The following KDM2A variants were observed in gnomAD, a reference collection of about 807,000 sequenced individuals.
KDM2A encodes the protein lysine demethylase 2A.
KDM2A carries 3 observed loss-of-function variants against 137.3 expected under a neutral mutation model. That is an observed-to-expected ratio of 0.02 (90% confidence interval 0.01 to 0.06). The LOEUF (loss-of-function observed/expected upper bound fraction) is 0.06. Ranked by LOEUF, KDM2A falls within the 10% of genes least tolerant of loss-of-function variation. The pLI is 1.00. For synonymous variants in KDM2A, 512 were observed against 541.5 expected (o/e 0.95, Z 0.76); for missense variants, 738 against 1,510.6 (o/e 0.49, Z 8.48).
chr11:67,221,624 T>C (rs1590800276), intron 10 of KDM2A, among the ~76,000 whole-genome samples: 2 of 152,336 alleles, frequency 1.3e-5, no homozygotes, highest in East Asian at 3.9e-4. Context: ...AGGAAGCCAG[T>C]GCTTCTTCAA....
chr11:67,201,969 A>T (rs1398592241), intron 5 of KDM2A, among the ~76,000 whole-genome samples: 2 of 151,938 alleles, frequency 1.3e-5, no homozygotes, highest in Non-Finnish European at 2.9e-5. Context: ...AAAAATAATT[A>T]AAATGAAAAA....
chr11:67,228,329 T>C (rs1858607199), intron 11 of KDM2A, among the ~76,000 whole-genome samples, 166 bp downstream of exon 11: 1 of 152,166 alleles, frequency 6.6e-6, no homozygotes, highest in South Asian at 2.1e-4. Context: ...TACCCAGATG[T>C]GAGTTAATGG....
intron 2 of KDM2A, among the ~76,000 whole-genome samples, chr11:67,174,689 A>G (rs1469838921): frequency 6.6e-6 from 1 of 152,224 alleles, no homozygotes; most frequent in African/African-American, 2.4e-5. Flanking sequence ...TAAACTGGGA[A>G]TGGTGAATAT....
At position 67,199,383 on chromosome 11, in the gene KDM2A, T is replaced by C. The variant is rs549599892; in HGVS notation, c.308-8127T>C. Among the ~76,000 whole-genome samples, 123 of 152,328 alleles carry C rather than the reference T, an allele frequency of 8.1e-4. 1 individual carries two copies. The South Asian group carries it at 0.025, about 31-fold the overall frequency. On this transcript the variant is annotated intron_variant, in intron 5 of 20. Transcript: ENST00000529006. ...GATTAAGGCATGTCAAAAGCCAAGA[T>C]AGGCCTTTTACATCAAATAGTTAAC...
At chr11:67,235,836 T>C (rs1404199620) in intron 12 of KDM2A, among the ~76,000 whole-genome samples, 2 of 152,150 alleles carry the variant, frequency 1.3e-5, no homozygotes, top group Middle Eastern at 3.4e-3. Flanking sequence ...GCCAGGCTGG[T>C]CTTGAACTCC....
intron 6 of KDM2A, 32 bp from the exon 7 acceptor site, chr11:67,215,308 G>T: frequency 6.9e-7 from 1 of 1,443,842 alleles, no homozygotes; most frequent in Non-Finnish European, 9.7e-7. Context: ...CCTTTCCCTT[G>T]GAGCCCAAGT....
At chr11:67,246,245 AGTG>A (rs888850546) in intron 15 of KDM2A, 129 bp downstream of exon 15, 4 of 986,950 alleles carry the variant, frequency 4.1e-6, no homozygotes, top group Non-Finnish European at 6.2e-6. Context: ...CACATAATGC[AGTG>A]GTCTAACATC....
chr11:67,250,697 C>T lies in KDM2A; in HGVS notation c.2667C>T (p.Asp889=), dbSNP rs750239468. Residue 889 remains aspartate (D), a synonymous_variant, in exon 17 of 21, where the codon GAC becomes GAT. Coordinates refer to ENST00000529006, the MANE Select transcript of KDM2A (RefSeq NM_012308.3). The surrounding 1 kb of genome is among the most constrained non-coding windows in gnomAD (Gnocchi z 7.1). ...NGRGSWAQDG[D]ESWMQREVWM... ...GGGGCAGTTGGGCTCAGGATGGAGACGAAAGCTGGATGCAGCGGGAGGTCT... is the reference window on the plus strand; with the variant it reads ...GGGGCAGTTGGGCTCAGGATGGAGATGAAAGCTGGATGCAGCGGGAGGTCT... 15 of 1,593,178 alleles carry T rather than the reference C, an allele frequency of 9.4e-6. No individual in the cohort carries two copies. In the African/African-American group the frequency reaches 1.1e-4, roughly 11 times the overall value.
chr11:67,254,228 G>A lies in KDM2A; in HGVS notation c.3117G>A (p.Arg1039=), dbSNP rs1358118514. ...GTCAGGACAATCGCAGCAAGCTCCG[G>A]AACATGACCGACTTCCGGCTGGCAG... ...KPGQDNRSKL[R]NMTDFRLAGL... Residue 1039 remains arginine, a synonymous_variant, in exon 20 of 21, where the codon CGG becomes CGA. Transcript: ENST00000529006. This position sits in a 1 kb window ranked among gnomAD's most constrained non-coding sequence, Gnocchi z 4.7. The A allele has an allele frequency of 1.2e-6, 2 of 1,613,892 alleles. No homozygotes were observed. The highest frequency in any genetic ancestry group is 2.7e-5 in the African/African-American group (2 of 74,922).
At chr11:67,238,689 C>T (rs866228196) in intron 12 of KDM2A, among the ~76,000 whole-genome samples, 6 of 152,186 alleles carry the variant, frequency 3.9e-5, no homozygotes, top group Admixed American at 6.5e-5. Flanking sequence ...CAGAAACTCA[C>T]TCAAACAACT....
rs900725461 is a variant in KDM2A, at chr11:67,119,964, AGAC to A, written c.-164_-162del. On this transcript the variant is annotated 5_prime_UTR_variant, in exon 1 of 21. Transcript: ENST00000529006. ...CTGGGTTGATCCACGGAAAAACCGA[AGAC>A]GACGTTTGGGATTTAATTATTCCTC... 2 of 152,284 alleles carry A rather than the reference AGAC, an allele frequency of 1.3e-5. No homozygotes were observed. The highest frequency in any genetic ancestry group is 2.4e-5 in the African/African-American group (1 of 41,456). The allele number at this position is 152,284 out of a possible 1,614,324, so 9.4% of individuals were successfully genotyped here. A position where few individuals can be genotyped will look rare whatever the true frequency, so the allele number is the denominator to read the frequency against.
chr11:67,128,627 T>C (rs1855784262), intron 2 of KDM2A, among the ~76,000 whole-genome samples: 1 of 152,144 alleles, frequency 6.6e-6, no homozygotes, highest in Non-Finnish European at 1.5e-5. Flanking sequence ...ACATCAGTCT[T>C]CCACAGTAAG....
chr11:67,159,885 G>A (rs1478841716), intron 2 of KDM2A, among the ~76,000 whole-genome samples: 4 of 152,214 alleles, frequency 2.6e-5, no homozygotes, highest in African/African-American at 7.2e-5. Context: ...GTATATGCCA[G>A]TGAATACAGA....
intron 10 of KDM2A, among the ~76,000 whole-genome samples, chr11:67,223,332 G>A (rs1490537329): frequency 1.3e-5 from 2 of 151,910 alleles, no homozygotes; most frequent in Non-Finnish European, 2.9e-5. Context: ...TATAAGTTAC[G>A]AGTAAAAACT....
chr11:67,148,282 G>A (rs1025021352), intron 2 of KDM2A, among the ~76,000 whole-genome samples: 12 of 151,714 alleles, frequency 7.9e-5, no homozygotes, highest in Admixed American at 3.3e-4. Context: ...TTAGCTGGGC[G>A]TGGCGGTGGA....
intron 12 of KDM2A, chr11:67,240,470 G>A (rs1482475990): frequency 4.1e-6 from 4 of 973,186 alleles, no homozygotes; most frequent in Non-Finnish European, 6.0e-6. Flanking sequence ...TGCCGGGCGA[G>A]TCCAGGACAA....
chr11:67,165,571 C>T (rs1856722181), intron 2 of KDM2A, among the ~76,000 whole-genome samples: 2 of 152,144 alleles, frequency 1.3e-5, no homozygotes, highest in South Asian at 4.1e-4. Flanking sequence ...AAACATTAAT[C>T]ACAGCTCCAG....
At chr11:67,184,173 C>T (rs1857151671) in intron 5 of KDM2A, among the ~76,000 whole-genome samples, 1 of 151,398 alleles carries the variant, frequency 6.6e-6, no homozygotes, top group African/African-American at 2.4e-5. Flanking sequence ...CTCTTCCCCT[C>T]AGCTGAACTG....
At chr11:67,135,164 G>A (rs1423958117) in intron 2 of KDM2A, among the ~76,000 whole-genome samples, 2 of 151,848 alleles carry the variant, frequency 1.3e-5, no homozygotes, top group Admixed American at 6.6e-5. Flanking sequence ...CGCCTTCTGG[G>A]TTCAAGCGAT....
Sources: gnomAD v4.1 joint callset for allele counts (sites outside exome capture counted in the v4.1 genomes callset) on GRCh38, gnomAD v4.1.1 for gene constraint, Gnocchi (gnomAD v3.1) non-coding constraint, MANE v1.5 for transcripts, NCBI Gene and HGNC (gene_info 2026-07-23, HGNC 2026-07-21) for gene names.